Variants in CAB39L observed in about 807,000 individuals in gnomAD.
CAB39L encodes calcium-binding protein 39-like.
In CAB39L, 23 loss-of-function variants were observed where a neutral mutation model predicts 39.1. The ratio of observed to expected loss-of-function variants is 0.59; its 90% CI spans 0.42 to 0.83. The LOEUF (loss-of-function observed/expected upper bound fraction) is 0.83. Ranked by LOEUF, CAB39L falls within the 40% of genes least tolerant of loss-of-function variation. CAB39L has a pLI of 0.00. For synonymous variants in CAB39L, 126 were observed against 137.2 expected (o/e 0.92, Z 0.57); for missense variants, 366 against 391.9 (o/e 0.93, Z 0.56).
chr13:49,392,492 T>C (rs983322190), intron 3 of CAB39L, among the ~76,000 whole-genome samples: 1 of 151,586 alleles, frequency 6.6e-6, no homozygotes, highest in Non-Finnish European at 1.5e-5. Flanking sequence ...CAAAAAAAAA[T>C]TAGCTGGGCA....
intron 4 of CAB39L, among the ~76,000 whole-genome samples, chr13:49,378,601 T>TC (rs1956164808): frequency 2.7e-5 from 1 of 36,904 alleles, no homozygotes; most frequent in African/African-American, 1.7e-4. Context: ...GGGTCAGCCC[T>TC]CCGCCCGGCC....
At chr13:49,381,677 G>A (rs1194224757) in intron 4 of CAB39L, among the ~76,000 whole-genome samples, 1 of 152,074 alleles carries the variant, frequency 6.6e-6, no homozygotes. Flanking sequence ...CTATACTGTT[G>A]CATGTAGGCA....
intron 4 of CAB39L, among the ~76,000 whole-genome samples, chr13:49,378,528 G>A (rs1956157991): frequency 1.4e-5 from 1 of 70,858 alleles, no homozygotes; most frequent in Admixed American, 1.1e-4. Context: ...CCCCGTCCGG[G>A]AGGGAGATGG....
At chr13:49,319,642 TAAA>T (rs61586450) in intron 10 of CAB39L, among the ~76,000 whole-genome samples, 1 of 136,696 alleles carries the variant, frequency 7.3e-6, no homozygotes, top group African/African-American at 2.7e-5. Context: ...TTACTTATAT[TAAA>T]AAAAAAAAAA....
intron 6 of CAB39L, among the ~76,000 whole-genome samples, chr13:49,355,717 A>G (rs1955465866): frequency 6.6e-6 from 1 of 151,988 alleles, no homozygotes; most frequent in African/African-American, 2.4e-5. Flanking sequence ...CATTAAATCC[A>G]TTAGTTCATC....
intron 3 of CAB39L, among the ~76,000 whole-genome samples, chr13:49,387,751 G>A (rs1956396794): frequency 6.6e-6 from 1 of 152,026 alleles, no homozygotes; most frequent in Non-Finnish European, 1.5e-5. Context: ...GAGACAAAAA[G>A]CTCTTTTAGA....
intron 3 of CAB39L, among the ~76,000 whole-genome samples, chr13:49,387,414 A>G (rs141944174): frequency 3.0e-4 from 45 of 152,312 alleles, no homozygotes; most frequent in Admixed American, 8.5e-4. Flanking sequence ...GAAAAGACGC[A>G]TGTTAGTCCA....
chr13:49,355,552 G>A (rs1955461287), intron 6 of CAB39L, among the ~76,000 whole-genome samples: 1 of 151,992 alleles, frequency 6.6e-6, no homozygotes, highest in Admixed American at 6.6e-5. Flanking sequence ...GTCAGCAAAT[G>A]TACAAGTTGG....
At chr13:49,373,024 A>G (rs1470100371) in intron 5 of CAB39L, among the ~76,000 whole-genome samples, 1 of 152,206 alleles carries the variant, frequency 6.6e-6, no homozygotes, top group Non-Finnish European at 1.5e-5. Flanking sequence ...AGGTGAACAA[A>G]GGATAATCAC....
In CAB39L at chr13:49,405,719, G is replaced by GAGAGGAAGGAAGGAAGGA. The variant is rs1220698718; in HGVS notation, c.-31-22779_-31-22778insTCCTTCCTTCCTTCCTCT. On this transcript the variant is annotated intron_variant, in intron 3 of 10. Transcript: ENST00000409308. The stretch of plus-strand genomic sequence containing the variant: ...AAAGAAAGAAAGAAAGAAAGAGAGA[G>GAGAGGAAGGAAGGAAGGA]AGGAAGGAAGGAAGGAAGGAAGGAA... Among the ~76,000 whole-genome samples, 800 of 95,018 alleles carry GAGAGGAAGGAAGGAAGGA rather than the reference G, an allele frequency of 8.4e-3. 20 individuals are homozygous for GAGAGGAAGGAAGGAAGGA. Among genetic ancestry groups the GAGAGGAAGGAAGGAAGGA allele is most frequent in the African/African-American group, 0.029 (752 of 26,288 alleles). 62.3% of individuals were successfully genotyped at this position (95,018 alleles called of 152,430 possible). A position where few individuals can be genotyped will look rare whatever the true frequency, so the allele number is the denominator to read the frequency against.
At chr13:49,324,658 C>T (rs904387221) in intron 10 of CAB39L, among the ~76,000 whole-genome samples, 13 of 152,322 alleles carry the variant, frequency 8.5e-5, no homozygotes, top group African/African-American at 3.1e-4. Flanking sequence ...CACTTAATCT[C>T]TCAGACAGTT....
chr13:49,426,166 G>A (rs898381297), intron 3 of CAB39L, among the ~76,000 whole-genome samples: 2 of 152,148 alleles, frequency 1.3e-5, no homozygotes, highest in African/African-American at 4.8e-5. Context: ...GCAGGATAAG[G>A]ACCATCCCCT....
intron 3 of CAB39L, chr13:49,413,009 G>A (rs17072878): frequency 0.18 from 27,654 of 152,092 alleles, 2,560 homozygotes; most frequent in Middle Eastern, 0.2. Context: ...CTTGATTGGT[G>A]TTTTCAGAAG....
chr13:49,319,928 T>C (rs935099914), intron 10 of CAB39L, among the ~76,000 whole-genome samples: 1 of 151,478 alleles, frequency 6.6e-6, no homozygotes, highest in Non-Finnish European at 1.5e-5. Flanking sequence ...AAATGTAAAA[T>C]GTACTGGAAT....
chr13:49,333,241 C>A (rs1954759315), intron 9 of CAB39L, among the ~76,000 whole-genome samples: 1 of 152,194 alleles, frequency 6.6e-6, no homozygotes, highest in African/African-American at 2.4e-5. Context: ...ATAGCAACCA[C>A]GTAGTCAAAC....
At chr13:49,340,375 T>C (rs1187961238) in intron 8 of CAB39L, among the ~76,000 whole-genome samples, 1 of 152,086 alleles carries the variant, frequency 6.6e-6, no homozygotes, top group Non-Finnish European at 1.5e-5. Flanking sequence ...ACACAGCTCA[T>C]AGAGCACTGA....
chr13:49,443,003 G>A (rs1343213257), intron 1 of CAB39L, among the ~76,000 whole-genome samples: 1 of 147,076 alleles, frequency 6.8e-6, no homozygotes, highest in African/African-American at 2.5e-5. Context: ...CAAAATATTA[G>A]CCTTTCATCA....
At chr13:49,367,918 G>A (rs1409198462) in intron 5 of CAB39L, among the ~76,000 whole-genome samples, 1 of 136,456 alleles carries the variant, frequency 7.3e-6, no homozygotes, top group Non-Finnish European at 1.6e-5. Context: ...GTGACAGCGT[G>A]AGACCCTGTC....
At chr13:49,424,647 G>A (rs1957217912) in intron 3 of CAB39L, among the ~76,000 whole-genome samples, 1 of 152,090 alleles carries the variant, frequency 6.6e-6, no homozygotes, top group Admixed American at 6.5e-5. Flanking sequence ...TAGGATATAT[G>A]GGAACCCTCT....
Sources: gnomAD v4.1 joint callset for allele counts (sites outside exome capture counted in the v4.1 genomes callset) on GRCh38, gnomAD v4.1.1 for gene constraint, MANE v1.5 for transcripts, NCBI Gene and HGNC (gene_info 2026-07-23, HGNC 2026-07-21) for gene names.